C4orf36: variants seen among roughly 807,000 people sequenced by gnomAD.
C4orf36 encodes uncharacterized protein C4orf36.
C4orf36 carries 11 observed loss-of-function variants against 12.2 expected under a neutral mutation model. The observed-to-expected ratio is 0.90, with a 90% CI of 0.57 to 1.49. C4orf36 has a LOEUF of 1.49. C4orf36 is among the 40% of genes most tolerant of loss of function. C4orf36 has a pLI of 0.00. For synonymous variants in C4orf36, 54 were observed against 51.3 expected, an observed-to-expected ratio of 1.05 and a Z score of -0.22; for missense variants, 137 against 133.9, an observed-to-expected ratio of 1.02 and a Z score of -0.11.
chr4:86,879,197 G>A (rs1235531506), intron 4 of C4orf36, among the ~76,000 whole-genome samples: 1 of 152,088 alleles, frequency 6.6e-6, no homozygotes, highest in Non-Finnish European at 1.5e-5. Flanking sequence ...TAAATTTCCA[G>A]AAACCAACCC....
In C4orf36 at chr4:86,892,378, C is replaced by T; in HGVS notation, c.-269G>A. ...GCCGCGCACACGCCTCGGGGCCGCG[C>T]CGCAGGCACACGCCTCCTTCCCGCT... On this transcript the variant is annotated 5_prime_UTR_variant, in exon 1 of 5. Transcript: ENST00000295898. 2 of 985,518 alleles carry T rather than the reference C, an allele frequency of 2.0e-6. No homozygotes were observed. The highest frequency in any genetic ancestry group is 2.4e-6 in the Non-Finnish European group (2 of 829,996). The allele number at this position is 985,518 out of a possible 1,614,324, so 61.0% of individuals were successfully genotyped here.
chr4:86,922,342 T>C, the C4orf36 span, among the ~76,000 whole-genome samples: 1 of 152,132 alleles, frequency 6.6e-6, no homozygotes, highest in African/African-American at 2.4e-5. Flanking sequence ...TGTCCAATAA[T>C]CATACATATA....
At chr4:86,929,662 C>T in the C4orf36 span, among the ~76,000 whole-genome samples, 1,643 of 152,310 alleles carry the variant, frequency 0.011, 35 homozygotes, top group African/African-American at 0.037. Context: ...CTTCTAGATA[C>T]GAACTCTCTG....
At chr4:86,914,921 C>T in the C4orf36 span, 22 of 269,474 alleles carry the variant, frequency 8.2e-5, no homozygotes, top group African/African-American at 4.9e-4. Flanking sequence ...AACAGGCCCA[C>T]CACGGGGACC....
At chr4:86,926,491 A>T in the C4orf36 span, among the ~76,000 whole-genome samples, 1 of 152,130 alleles carries the variant, frequency 6.6e-6, no homozygotes, top group African/African-American at 2.4e-5. Context: ...TGTTCATTTA[A>T]CCCAAAACAA....
chr4:86,913,963 C>A, the C4orf36 span: 1 of 1,537,450 alleles, frequency 6.5e-7, no homozygotes, highest in Non-Finnish European at 9.0e-7. Context: ...TAGCTGTCAT[C>A]CACTTCTTTA....
Position 86,876,895 on chromosome 4 carries a change from A to C in C4orf36, c.*3-452T>G, listed in dbSNP as rs58169115. ...TTTCTCTCTATTACTATCTTATCTAAATCTGATTTTTAAGAAATCAAAACT... is the reference window on the plus strand; with the variant it reads ...TTTCTCTCTATTACTATCTTATCTACATCTGATTTTTAAGAAATCAAAACT... On this transcript the variant is annotated intron_variant, in intron 4 of 4. Transcript: ENST00000295898. 6.8e-3 allele frequency among the ~76,000 whole-genome samples: 1,039 copies of C among 152,346 alleles called. 15 individuals are homozygous for C. Among genetic ancestry groups the C allele is most frequent in the African/African-American group, 0.023 (973 of 41,570 alleles).
the C4orf36 span, chr4:86,914,092 T>G: frequency 6.2e-7 from 1 of 1,608,438 alleles, no homozygotes; most frequent in East Asian, 2.2e-5. Flanking sequence ...ATGTGCTTGC[T>G]CACCCACCAG....
At chr4:86,916,365 CAAAA>C in the C4orf36 span, among the ~76,000 whole-genome samples, 28 of 95,858 alleles carry the variant, frequency 2.9e-4, no homozygotes, top group Middle Eastern at 5.0e-3. Context: ...TATGTGGATG[CAAAA>C]AAAAAAAAAA....
chr4:86,922,690 C>G, the C4orf36 span, among the ~76,000 whole-genome samples: 4 of 152,200 alleles, frequency 2.6e-5, no homozygotes, highest in Admixed American at 6.5e-5. Context: ...AAGCTTCCAC[C>G]TCACCCCAGT....
chr4:86,883,493 G>T (rs781576191), intron 4 of C4orf36, among the ~76,000 whole-genome samples: 1 of 152,170 alleles, frequency 6.6e-6, no homozygotes, highest in Non-Finnish European at 1.5e-5. Flanking sequence ...TCACAGTAAT[G>T]TCTAACACTA....
At chr4:86,913,524 A>T in the C4orf36 span, 1 of 858,898 alleles carries the variant, frequency 1.2e-6, no homozygotes, top group Non-Finnish European at 2.0e-6. Context: ...GATGAAGGTC[A>T]GGCAGCCTCG....
chr4:86,914,300 G>T, the C4orf36 span: 1 of 1,599,082 alleles, frequency 6.3e-7, no homozygotes. Context: ...CGATGCGGTC[G>T]CTCTTGGGAG....
chr4:86,908,596 T>TA, the C4orf36 span, among the ~76,000 whole-genome samples: 9 of 148,884 alleles, frequency 6.0e-5, no homozygotes, highest in Non-Finnish European at 7.4e-5. Flanking sequence ...GAAGTACACT[T>TA]ACACTCTCTC....
chr4:86,888,011 G>A (rs1747244575), intron 3 of C4orf36, 110 bp downstream of exon 3: 8 of 1,537,634 alleles, frequency 5.2e-6, no homozygotes, highest in East Asian at 4.5e-5. Context: ...AGATGACAGA[G>A]CTACAAAGAT....
upstream of C4orf36, among the ~76,000 whole-genome samples, chr4:86,897,141 G>T (rs1230410673): frequency 6.6e-6 from 1 of 152,022 alleles, no homozygotes; most frequent in African/African-American, 2.4e-5. Context: ...TGGGTGGATT[G>T]CTTGAGTTCA....
intron 2 of C4orf36, among the ~76,000 whole-genome samples, chr4:86,889,726 G>C (rs1747320085): frequency 6.6e-6 from 1 of 152,110 alleles, no homozygotes; most frequent in Admixed American, 6.5e-5. Context: ...GACCAGCCCA[G>C]GTGATGTGAT....
At chr4:86,894,930 T>G (rs1354331435), upstream of C4orf36, among the ~76,000 whole-genome samples, 1 of 152,218 alleles carries the variant, frequency 6.6e-6, no homozygotes, top group Non-Finnish European at 1.5e-5. Context: ...GCTGAGGTCT[T>G]GACTTAAACT....
chr4:86,911,685 GTC>G, the C4orf36 span, among the ~76,000 whole-genome samples: 1 of 151,990 alleles, frequency 6.6e-6, no homozygotes, highest in Non-Finnish European at 1.5e-5. Context: ...CTGTCTCTCT[GTC>G]TCTCTCTTTT....
Sources: allele counts gnomAD v4.1 joint callset (sites outside exome capture counted in the v4.1 genomes callset), GRCh38; gene constraint gnomAD v4.1.1; transcripts MANE v1.5; gene names NCBI Gene and HGNC (gene_info 2026-07-23, HGNC 2026-07-21).